The following NOS1AP variants were observed in gnomAD, a reference collection of about 807,000 sequenced individuals.
NOS1AP encodes nitric oxide synthase 1 adaptor protein.
Under a neutral mutation model 56.2 loss-of-function variants are expected in NOS1AP, and 21 were observed. That is an observed-to-expected ratio of 0.37 (90% CI 0.26 to 0.54). NOS1AP has a LOEUF of 0.54. NOS1AP is among the 20% of genes least tolerant of loss of function. The pLI, the probability that NOS1AP is intolerant of heterozygous loss-of-function variation, is 0.84. For synonymous variants in NOS1AP, 270 were observed against 274.6 expected, an observed-to-expected ratio of 0.98 and a Z score of 0.17; for missense variants, 522 against 657.8, an observed-to-expected ratio of 0.79 and a Z score of 2.26.
chr1:162,118,258 C>A (rs1156834308), intron 1 of NOS1AP, among the ~76,000 whole-genome samples: 5 of 152,204 alleles, frequency 3.3e-5, no homozygotes, highest in Non-Finnish European at 5.9e-5. Flanking sequence ...CCCTTCCACC[C>A]TCCCGCATCT....
chr1:162,242,345 T>C (rs1653511726), intron 2 of NOS1AP, among the ~76,000 whole-genome samples: 1 of 152,198 alleles, frequency 6.6e-6, no homozygotes, highest in Non-Finnish European at 1.5e-5. Context: ...AGTATGCAGC[T>C]TCTGAGGCTA....
Position 162,343,911 on chromosome 1 carries a change from A to T in NOS1AP, c.530A>T (p.Gln177Leu). The T allele has an allele frequency of 6.2e-7, 1 of 1,614,140 alleles. No homozygotes were observed. The highest frequency in any genetic ancestry group is 8.5e-7 in the Non-Finnish European group (1 of 1,180,014). Residue 177 changes from glutamine (Q) to leucine (L), a missense_variant, in exon 6 of 10, where the codon CAG becomes CTG. Physicochemically the swap from Gln to Leu is moderately radical, Grantham distance 113 (BLOSUM62 -2). Transcript: ENST00000361897. ...CACAAGCTGAGCCTGCAGCACACGC[A>T]GCAGAATGCAGATGGCCAGGAAGAT... is the stretch of plus-strand genomic sequence containing the variant. Reference protein sequence around the residue: ...VCHKLSLQHTQQNADGQEDGE... With the variant: ...VCHKLSLQHTLQNADGQEDGE...
intron 2 of NOS1AP, among the ~76,000 whole-genome samples, chr1:162,270,132 C>T (rs558057141): frequency 6.6e-6 from 1 of 152,280 alleles, no homozygotes; most frequent in Non-Finnish European, 1.5e-5. Flanking sequence ...GATTATTCTG[C>T]CTCTAGGTAT....
intron 1 of NOS1AP, among the ~76,000 whole-genome samples, chr1:162,081,295 T>C (rs1691880585): frequency 6.6e-6 from 1 of 152,136 alleles, no homozygotes; most frequent in South Asian, 2.1e-4. Context: ...GGGACCCAGG[T>C]CTGCTGTTCT....
chr1:162,196,785 TA>T (rs1469455609), intron 2 of NOS1AP, among the ~76,000 whole-genome samples: 9 of 152,204 alleles, frequency 5.9e-5, no homozygotes, highest in Admixed American at 1.3e-4. Context: ...CAGATTGATA[TA>T]GGGGTTGCTT....
intron 2 of NOS1AP, among the ~76,000 whole-genome samples, chr1:162,242,096 T>C (rs1285760324): frequency 6.6e-6 from 1 of 152,214 alleles, no homozygotes; most frequent in East Asian, 1.9e-4. Flanking sequence ...TCATTCATCA[T>C]CTATTTATTG....
intron 2 of NOS1AP, among the ~76,000 whole-genome samples, chr1:162,226,230 T>C (rs1571143065): frequency 6.6e-6 from 1 of 152,076 alleles, no homozygotes; most frequent in Admixed American, 6.6e-5. Context: ...GAGGCAGAGG[T>C]TGCGGTGAGC....
At position 162,137,779 on chromosome 1, in the gene NOS1AP, G is replaced by A. The variant is rs538420480; in HGVS notation, c.106-16626G>A. On this transcript the variant is annotated intron_variant, in intron 1 of 9. Coordinates refer to ENST00000361897, the MANE Select transcript of NOS1AP (RefSeq NM_014697.3). ...ACACACACACATGTAATTGGGTCTCGCTGTGTTGCTGTATACCTAGACGGG... is the reference window on the plus strand; with the variant it reads ...ACACACACACATGTAATTGGGTCTCACTGTGTTGCTGTATACCTAGACGGG... Among the ~76,000 whole-genome samples, 23 of 152,128 alleles carry A rather than the reference G, an allele frequency of 1.5e-4. No homozygotes were observed. The South Asian group carries it at 4.6e-3, about 30-fold the overall frequency.
chr1:162,287,549 A>G, intron 3 of NOS1AP, 113 bp downstream of exon 3: 1 of 787,568 alleles, frequency 1.3e-6, no homozygotes, highest in Non-Finnish European at 2.3e-6. Context: ...TTATCTGGCA[A>G]GCTCTTCTGC....
intron 2 of NOS1AP, among the ~76,000 whole-genome samples, chr1:162,156,160 T>C (rs1194214758): frequency 1.3e-5 from 2 of 152,256 alleles, no homozygotes; most frequent in African/African-American, 4.8e-5. Flanking sequence ...TTAAATTTAT[T>C]GAGACTGCTA....
rs544311072 is a variant in NOS1AP, at chr1:162,108,716, T to TAA, written c.105+38442_105+38443dup. On this transcript the variant is annotated intron_variant, in intron 1 of 9. Transcript: ENST00000361897. ...ACAAGCCTCTAAATTTAACAAACAT[T>TAA]AAAAAAAAAGGATTTATACAGGGGG... 9.7e-3 allele frequency among the ~76,000 whole-genome samples: 1,462 copies of TAA among 150,214 alleles called. 22 individuals carry two copies. Among genetic ancestry groups the TAA allele is most frequent in the African/African-American group, 0.034 (1,388 of 40,924 alleles).
intron 2 of NOS1AP, among the ~76,000 whole-genome samples, chr1:162,162,127 G>GC (rs1462618027): frequency 1.3e-5 from 2 of 152,308 alleles, no homozygotes; most frequent in Admixed American, 6.5e-5. Flanking sequence ...GCCGTTGTCT[G>GC]CCTGAGCACT....
At chr1:162,147,603 C>A (rs75620742) in intron 1 of NOS1AP, among the ~76,000 whole-genome samples, 3,204 of 152,216 alleles carry the variant, frequency 0.021, 120 homozygotes, top group African/African-American at 0.073. Context: ...TGGAAGCCAG[C>A]AAGTGAAAGC....
At chr1:162,289,577 C>T (rs1030568902) in intron 3 of NOS1AP, among the ~76,000 whole-genome samples, 1 of 147,916 alleles carries the variant, frequency 6.8e-6, no homozygotes, top group African/African-American at 2.5e-5. Flanking sequence ...CGGGTTCACG[C>T]CATTCTCCTG....
At chr1:162,255,825 TGG>T (rs1342242897) in intron 2 of NOS1AP, among the ~76,000 whole-genome samples, 2 of 152,228 alleles carry the variant, frequency 1.3e-5, no homozygotes, top group Admixed American at 6.5e-5. Context: ...CCAGTCTTTA[TGG>T]GTAGGAATGA....
Position 162,244,963 on chromosome 1 carries a change from A to G in NOS1AP, c.178-42381A>G, listed in dbSNP as rs79885153. ...GAAGATCTACTTCCTAACTATGGCT[A>G]TATAGGGTGATGGGAGCTTGAGGGA... On this transcript the variant is annotated intron_variant, in intron 2 of 9. Coordinates refer to ENST00000361897, the MANE Select transcript of NOS1AP (RefSeq NM_014697.3). Among the ~76,000 whole-genome samples, 1,068 of 152,294 alleles carry G rather than the reference A, an allele frequency of 7.0e-3. 13 individuals carry two copies. The highest frequency in any genetic ancestry group is 0.025 in the African/African-American group (1,037 of 41,564).
intron 3 of NOS1AP, among the ~76,000 whole-genome samples, chr1:162,289,464 CTTTTCTTTT>C (rs1308125122): frequency 1.8e-4 from 8 of 45,058 alleles, no homozygotes; most frequent in African/African-American, 3.2e-4. Context: ...CGCCCAGCTA[CTTTTCTTTT>C]TTTTTTTTTT....
chr1:162,288,249 G>GTTTTTATT (rs1655153920), intron 3 of NOS1AP, among the ~76,000 whole-genome samples: 1 of 152,148 alleles, frequency 6.6e-6, no homozygotes, highest in Admixed American at 6.5e-5. Flanking sequence ...TTCTGCTGAT[G>GTTTTTATT]TTTTTATTTT....
At chr1:162,357,250 T>A in intron 8 of NOS1AP, 114 bp downstream of exon 8, 2 of 1,514,840 alleles carry the variant, frequency 1.3e-6, no homozygotes, top group Non-Finnish European at 1.8e-6. Flanking sequence ...AAGGAATCGC[T>A]CATGCTATTG....
Sources: allele counts gnomAD v4.1 joint callset (sites outside exome capture counted in the v4.1 genomes callset), GRCh38; gene constraint gnomAD v4.1.1; transcripts MANE v1.5; gene names NCBI Gene and HGNC (gene_info 2026-07-23, HGNC 2026-07-21).